The following CD200R1 variants were observed in gnomAD, a reference collection of about 807,000 sequenced individuals.
CD200R1 encodes CD200 receptor 1.
In CD200R1, 30 loss-of-function variants were observed where a neutral mutation model predicts 38.1. That is an observed-to-expected ratio of 0.79 (90% CI 0.59 to 1.07). CD200R1 has a LOEUF of 1.07. CD200R1 is among the 50% of genes least tolerant of loss of function. The pLI is 0.00. For missense variants in CD200R1, 372 were observed against 415.4 expected, an observed-to-expected ratio of 0.90 and a Z score of 0.91; for synonymous variants, 128 against 152.1, an observed-to-expected ratio of 0.84 and a Z score of 1.16.
chr3:112,957,129 T>A lies in CD200R1; in HGVS notation c.68-9205A>T, dbSNP rs939674124. 5.9e-5 allele frequency among the ~76,000 whole-genome samples: 9 copies of A among 152,160 alleles called. No homozygotes were observed. In the South Asian group the frequency reaches 1.0e-3, roughly 17 times the overall value. ...CAGTATTTCTCATCACACTGTGCTG[T>A]CTAGAATGGGGTAAGAGGTGACACA... is the stretch of plus-strand genomic sequence containing the variant. On this transcript the variant is annotated intron_variant, in intron 1 of 7. Transcript: ENST00000308611.
At chr3:112,952,939 G>A (rs907388670) in intron 1 of CD200R1, among the ~76,000 whole-genome samples, 1 of 152,050 alleles carries the variant, frequency 6.6e-6, no homozygotes, top group African/African-American at 2.4e-5. Context: ...CCTCCAGCTA[G>A]AACTTCCAGC....
At chr3:112,974,664 A>G (rs1933397320) in intron 1 of CD200R1, 127 bp downstream of exon 1, 2 of 688,716 alleles carry the variant, frequency 2.9e-6, no homozygotes, top group Non-Finnish European at 5.2e-6. Flanking sequence ...AGTAACCCAT[A>G]TTTAGCAACC....
chr3:112,961,992 T>C (rs1384061697), intron 1 of CD200R1, among the ~76,000 whole-genome samples: 1 of 151,996 alleles, frequency 6.6e-6, no homozygotes, highest in African/African-American at 2.4e-5. Flanking sequence ...TTTAGAAAAG[T>C]AGGAAGTTTC....
At chr3:112,960,499 C>T (rs1932991331) in intron 1 of CD200R1, among the ~76,000 whole-genome samples, 1 of 151,810 alleles carries the variant, frequency 6.6e-6, no homozygotes, top group East Asian at 1.9e-4. Context: ...TATTAAGGAA[C>T]AACAAATACA....
At chr3:112,957,005 C>G (rs1159250917) in intron 1 of CD200R1, among the ~76,000 whole-genome samples, 2 of 152,088 alleles carry the variant, frequency 1.3e-5, no homozygotes, top group Non-Finnish European at 2.9e-5. Flanking sequence ...AGTCAGGGGT[C>G]ATTGGAGTCT....
At chr3:112,943,286 G>A (rs1337215725) in intron 2 of CD200R1, among the ~76,000 whole-genome samples, 1 of 151,696 alleles carries the variant, frequency 6.6e-6, no homozygotes, top group Non-Finnish European at 1.5e-5. Flanking sequence ...CCTGCTTTTA[G>A]ACCATGATGG....
chr3:112,940,258 G>A (rs58910474), intron 2 of CD200R1, among the ~76,000 whole-genome samples: 19,217 of 151,724 alleles, frequency 0.13, 1,662 homozygotes, highest in African/African-American at 0.23. Flanking sequence ...ACATTGATCT[G>A]AGAAATAATT....
intron 2 of CD200R1, among the ~76,000 whole-genome samples, chr3:112,936,267 C>G (rs996345639): frequency 6.6e-6 from 1 of 152,120 alleles, no homozygotes; most frequent in Admixed American, 6.5e-5. Flanking sequence ...TGAACATACA[C>G]GTGCATGTAT....
rs1458462807 is a variant in CD200R1, at chr3:112,928,888, T to G, written c.697A>C (p.Asn233His). The G allele has an allele frequency of 4.3e-6, 7 of 1,613,852 alleles. No individual in the cohort carries two copies. Among genetic ancestry groups the G allele is most frequent in the Non-Finnish European group, 5.9e-6 (7 of 1,179,978 alleles). The change falls in exon 5 of 8, where the codon AAT becomes CAT. Residue 233 changes from asparagine to histidine, a missense_variant. Transcript: ENST00000308611. ...VKSTCHWEVHNVSTVTCHVSH... is the reference protein window; with the variant it reads ...VKSTCHWEVHHVSTVTCHVSH... ...ACGTGGCAGGTCACGGTAGACACAT[T>G]GTGGACCTCCCAGTGGCATGTACTC...
In CD200R1 at chr3:112,921,352, G is replaced by A. The variant is rs1451899824; in HGVS notation, c.*2325C>T. The A allele has an allele frequency of 2.6e-5, 4 of 151,968 alleles. No homozygotes were observed. Among genetic ancestry groups the A allele is most frequent in the African/African-American group, 9.7e-5 (4 of 41,376 alleles). 9.4% of individuals were successfully genotyped at this position (151,968 alleles called of 1,614,324 possible). On this transcript the variant is annotated 3_prime_UTR_variant, in exon 8 of 8. Transcript: ENST00000308611. ...ACTTAAATATATCAATTATATCTCAGTAAAGCCGTTTTCAGAAGTTTGTAA... is the reference window on the plus strand; with the variant it reads ...ACTTAAATATATCAATTATATCTCAATAAAGCCGTTTTCAGAAGTTTGTAA...
At chr3:112,951,836 T>G (rs1940975123) in intron 1 of CD200R1, among the ~76,000 whole-genome samples, 1 of 151,486 alleles carries the variant, frequency 6.6e-6, no homozygotes, top group East Asian at 1.9e-4. Context: ...GTAAGACCTG[T>G]ATACTGAAAA....
intron 1 of CD200R1, among the ~76,000 whole-genome samples, chr3:112,955,104 G>A (rs1005588629): frequency 6.6e-6 from 1 of 152,198 alleles, no homozygotes; most frequent in African/African-American, 2.4e-5. Flanking sequence ...TGGTGTGAGA[G>A]CAAAGGAAAA....
chr3:112,939,215 GA>G lies in CD200R1; in HGVS notation c.137-8045del, dbSNP rs902770381. Among the ~76,000 whole-genome samples, 13 of 151,886 alleles carry G rather than the reference GA, an allele frequency of 8.6e-5. 1 individual carries two copies. Among genetic ancestry groups the G allele is most frequent in the Admixed American group, 3.3e-4 (5 of 15,250 alleles). On this transcript the variant is annotated intron_variant, in intron 2 of 7. Coordinates refer to ENST00000308611, the MANE Select transcript of CD200R1 (RefSeq NM_138806.4). ...CTTTTAAGAATTAGAAGAAGAATTA[GA>G]AGAAAAAGTGCCTACTCTCACCCTT...
intron 1 of CD200R1, among the ~76,000 whole-genome samples, chr3:112,967,397 C>T (rs1276165798): frequency 1.3e-5 from 2 of 152,170 alleles, no homozygotes; most frequent in Non-Finnish European, 2.9e-5. Context: ...TCATCTTAAA[C>T]ATCACTTCCT....
At chr3:112,945,316 G>C (rs971694010) in intron 2 of CD200R1, among the ~76,000 whole-genome samples, 1 of 152,162 alleles carries the variant, frequency 6.6e-6, no homozygotes, top group African/African-American at 2.4e-5. Context: ...TCGACTTCAA[G>C]ATTTACTATA....
intron 1 of CD200R1, among the ~76,000 whole-genome samples, chr3:112,956,132 C>A (rs1941092395): frequency 1.3e-5 from 2 of 152,050 alleles, no homozygotes; most frequent in South Asian, 4.1e-4. Context: ...CCCTCTTGAA[C>A]TCCAATGACT....
chr3:112,947,006 T>A (rs1940879940), intron 2 of CD200R1, among the ~76,000 whole-genome samples: 1 of 152,002 alleles, frequency 6.6e-6, no homozygotes, highest in Non-Finnish European at 1.5e-5. Flanking sequence ...TAAATGCATA[T>A]TATTAAGTGA....
Position 112,959,440 on chromosome 3 carries a change from G to C in CD200R1, c.68-11516C>G, listed in dbSNP as rs140581591. ...CTGCAAAAGAGAACAGTGTATAATGGTTTATTTTGACATTTCTATGGACAT... is the reference window on the plus strand; with the variant it reads ...CTGCAAAAGAGAACAGTGTATAATGCTTTATTTTGACATTTCTATGGACAT... On this transcript the variant is annotated intron_variant, in intron 1 of 7. Coordinates refer to ENST00000308611, the MANE Select transcript of CD200R1 (RefSeq NM_138806.4). Among the ~76,000 whole-genome samples, 341 of 152,122 alleles carry C rather than the reference G, an allele frequency of 2.2e-3. 2 individuals are homozygous for C. Among genetic ancestry groups the C allele is most frequent in the African/African-American group, 7.9e-3 (328 of 41,532 alleles).
At chr3:112,943,046 C>A (rs1940764256) in intron 2 of CD200R1, among the ~76,000 whole-genome samples, 1 of 151,660 alleles carries the variant, frequency 6.6e-6, no homozygotes, top group Non-Finnish European at 1.5e-5. Context: ...GACTTCAATA[C>A]CCCTCTATTA....
Sources: allele counts gnomAD v4.1 joint callset (sites outside exome capture counted in the v4.1 genomes callset), GRCh38; gene constraint gnomAD v4.1.1; transcripts MANE v1.5; gene names NCBI Gene and HGNC (gene_info 2026-07-23, HGNC 2026-07-21).